The following EPHA5 variants were observed in gnomAD, a reference collection of about 807,000 sequenced individuals.
EPHA5 encodes the protein EPH receptor A5.
In EPHA5, 60 loss-of-function variants were observed where a neutral mutation model predicts 105.0. The ratio of observed to expected loss-of-function variants is 0.57; its 90% confidence interval spans 0.46 to 0.71. The LOEUF (loss-of-function observed/expected upper bound fraction) is 0.71. Ranked by LOEUF, EPHA5 falls within the 30% of genes least tolerant of loss-of-function variation. The pLI, the probability that EPHA5 is intolerant of heterozygous loss-of-function variation, is 0.00. For missense variants in EPHA5, 1,218 were observed against 1,274.7 expected (o/e 0.96, Z 0.68); for synonymous variants, 513 against 449.1 (o/e 1.14, Z -1.80).
intron 1 of EPHA5, among the ~76,000 whole-genome samples, chr4:65,659,145 A>G (rs1749319961): frequency 6.6e-6 from 1 of 151,942 alleles, no homozygotes; most frequent in African/African-American, 2.4e-5. Flanking sequence ...GAGTTAGAAT[A>G]AAACTATTTT....
chr4:65,326,052 GTA>G (rs1026421390), intron 16 of EPHA5, among the ~76,000 whole-genome samples: 6 of 146,814 alleles, frequency 4.1e-5, no homozygotes, highest in East Asian at 2.0e-4. Context: ...GTATATATAT[GTA>G]TATATATATT....
chr4:65,573,984 G>A, intron 3 of EPHA5: 1 of 1,593,680 alleles, frequency 6.3e-7, no homozygotes, highest in Non-Finnish European at 8.6e-7. Flanking sequence ...CTTATTACTT[G>A]TGACTGGACC....
At position 65,526,058 on chromosome 4, in the gene EPHA5, G is replaced by T. The variant is rs182783257; in HGVS notation, c.911-30515C>A. ...CTATCAGTATTTAGCCCAATACCGG[G>T]CACATGTTATTCAATTGATGGTAGG... On this transcript the variant is annotated intron_variant, in intron 3 of 16. Transcript: ENST00000613740. Among the ~76,000 whole-genome samples the T allele has an allele frequency of 1.2e-4, 18 of 151,740 alleles. No individual in the cohort carries two copies. In the East Asian group the frequency reaches 3.5e-3, roughly 29 times the overall value.
chr4:65,404,366 T>C lies in EPHA5; in HGVS notation c.1793+8A>G. 6.2e-7 allele frequency: 1 copy of C among 1,610,920 alleles called. No homozygotes were observed. The highest frequency in any genetic ancestry group is 1.7e-4 in the Middle Eastern group (1 of 6,046). ...GCAGAACTTCAGAATCACAGCTTCC[T>C]CTCTTACCTTCCACTGAGGAGGACG... On this transcript the variant is annotated splice_region_variant and intron_variant, in intron 8 of 16. Transcript: ENST00000613740.
chr4:65,417,161 C>A (rs1191947961), intron 6 of EPHA5, among the ~76,000 whole-genome samples: 1 of 152,216 alleles, frequency 6.6e-6, no homozygotes, highest in African/African-American at 2.4e-5. Context: ...ATGAGCCCAT[C>A]ATCACACGGT....
intron 3 of EPHA5, among the ~76,000 whole-genome samples, chr4:65,576,042 GA>G (rs1368908032): frequency 4.9e-5 from 3 of 61,440 alleles, no homozygotes; most frequent in Non-Finnish European, 9.6e-5. Flanking sequence ...AAGAAAGAAA[GA>G]AAGAAAGAAA....
intron 1 of EPHA5, among the ~76,000 whole-genome samples, chr4:65,650,391 C>CAA (rs11345574): frequency 6.6e-5 from 9 of 136,938 alleles, no homozygotes; most frequent in African/African-American, 1.4e-4. Context: ...ACTAAACATA[C>CAA]AAAAAAAAAA....
At chr4:65,614,361 T>C (rs570765416) in intron 2 of EPHA5, among the ~76,000 whole-genome samples, 15 of 152,022 alleles carry the variant, frequency 9.9e-5, no homozygotes, top group African/African-American at 3.4e-4. Context: ...AATCTAGTTA[T>C]AGTAAAGAAA....
intron 14 of EPHA5, among the ~76,000 whole-genome samples, chr4:65,345,529 T>C (rs1000088719): frequency 6.6e-6 from 1 of 152,124 alleles, no homozygotes; most frequent in African/African-American, 2.4e-5. Flanking sequence ...TCCAATAAAG[T>C]GGACACAGCT....
At chr4:65,652,611 TTGAC>T (rs1390623393) in intron 1 of EPHA5, among the ~76,000 whole-genome samples, 1 of 152,104 alleles carries the variant, frequency 6.6e-6, no homozygotes, top group Non-Finnish European at 1.5e-5. Context: ...GCCCCAACGT[TTGAC>T]TGGTGAAATA....
intron 2 of EPHA5, among the ~76,000 whole-genome samples, chr4:65,606,943 C>T (rs1744286039): frequency 6.6e-6 from 1 of 152,172 alleles, no homozygotes; most frequent in African/African-American, 2.4e-5. Flanking sequence ...TATCACCTAA[C>T]TGCCTCTTTA....
At chr4:65,358,061 A>G (rs1040497131) in intron 11 of EPHA5, among the ~76,000 whole-genome samples, 1 of 151,456 alleles carries the variant, frequency 6.6e-6, no homozygotes, top group African/African-American at 2.4e-5. Flanking sequence ...TGGCCTGGGA[A>G]CTTATTAGAA....
At chr4:65,361,692 G>C (rs531981247) in intron 11 of EPHA5, among the ~76,000 whole-genome samples, 1 of 151,818 alleles carries the variant, frequency 6.6e-6, no homozygotes, top group East Asian at 1.9e-4. Context: ...AATCAATGTA[G>C]TTGGATGTTC....
chr4:65,537,756 A>T (rs1578368623), intron 3 of EPHA5, among the ~76,000 whole-genome samples: 2 of 151,842 alleles, frequency 1.3e-5, no homozygotes, highest in South Asian at 4.1e-4. Context: ...TTATTTTAAA[A>T]TTTTTTAAAT....
At chr4:65,457,078 T>A (rs76444983) in intron 5 of EPHA5, among the ~76,000 whole-genome samples, 1 of 148,368 alleles carries the variant, frequency 6.7e-6, no homozygotes. Flanking sequence ...GAAAAAAAAA[T>A]AGACTTTTAA....
intron 1 of EPHA5, among the ~76,000 whole-genome samples, chr4:65,668,471 G>A (rs553899234): frequency 6.6e-6 from 1 of 152,302 alleles, no homozygotes; most frequent in South Asian, 2.1e-4. Context: ...TGACAGATCT[G>A]GATCTGAGAT....
chr4:65,542,435 C>T (rs1367878968), intron 3 of EPHA5, among the ~76,000 whole-genome samples: 2 of 151,990 alleles, frequency 1.3e-5, no homozygotes, highest in East Asian at 3.9e-4. Flanking sequence ...TCAGAGAATA[C>T]TGTAACACTT....
Position 65,420,559 on chromosome 4 carries a change from G to A in EPHA5, c.1409C>T (p.Ser470Phe), listed in dbSNP as rs1288201384. Reference sequence around the variant, plus strand: ...CCCTTTTTTCACATTGGTGACTGGAGATGGAGCTGCAAAATAGTTTAAATA... The same window carrying A: ...CCCTTTTTTCACATTGGTGACTGGAAATGGAGCTGCAAAATAGTTTAAATA... ...VNVTTNQAAP[S>F]PVTNVKKGKI... The change falls in exon 6 of 17, where the codon TCT (serine) becomes TTT (phenylalanine). Residue 470 changes from serine to phenylalanine, a missense_variant. Ser to Phe is a radical substitution (Grantham distance 155, BLOSUM62 -2). Coordinates refer to ENST00000613740, the MANE Select transcript of EPHA5 (RefSeq NM_001281766.3). 3 of 1,612,262 alleles carry A rather than the reference G, an allele frequency of 1.9e-6. No individual in the cohort carries two copies. Among genetic ancestry groups the A allele is most frequent in the Admixed American group, 3.3e-5 (2 of 59,794 alleles).
At chr4:65,592,265 T>A (rs770700848) in intron 3 of EPHA5, among the ~76,000 whole-genome samples, 26 of 152,196 alleles carry the variant, frequency 1.7e-4, no homozygotes, top group South Asian at 6.2e-4. Flanking sequence ...TCTGGCAATG[T>A]CAATCCACAC....
Sources: allele counts gnomAD v4.1 joint callset (sites outside exome capture counted in the v4.1 genomes callset), GRCh38; gene constraint gnomAD v4.1.1; transcripts MANE v1.5; gene names NCBI Gene and HGNC (gene_info 2026-07-23, HGNC 2026-07-21).